The following PDS5B variants were observed in gnomAD, a reference collection of about 807,000 sequenced individuals.
PDS5B encodes the protein PDS5 cohesin associated factor B.
PDS5B carries 51 observed loss-of-function variants against 184.1 expected under a neutral mutation model. The observed-to-expected ratio is 0.28, with a 90% CI of 0.22 to 0.35. The LOEUF (loss-of-function observed/expected upper bound fraction) is 0.35. Ranked by LOEUF, PDS5B falls within the 10% of genes least tolerant of loss-of-function variation. The pLI, the probability that PDS5B is intolerant of heterozygous loss-of-function variation, is 1.00. For synonymous variants in PDS5B, 566 were observed against 569.2 expected (o/e 0.99, Z 0.08); for missense variants, 1,180 against 1,723.3 (o/e 0.68, Z 5.58).
rs748914020 is a variant in PDS5B, at chr13:32,755,824, G to A, written c.2942-18G>A. On this transcript the variant is annotated intron_variant, in intron 25 of 34. Transcript: ENST00000315596. ...TTCTTTTGTTTTTTTTTGTTTGTTT[G>A]TTTGTTTTCTTTTTCAGAAAAATTA... is the stretch of plus-strand genomic sequence containing the variant. 1 of 1,047,184 alleles carries A rather than the reference G, an allele frequency of 9.5e-7. No homozygotes were observed. Among genetic ancestry groups the A allele is most frequent in the Admixed American group, 2.4e-5 (1 of 41,490 alleles). 64.9% of individuals were successfully genotyped at this position (1,047,184 alleles called of 1,614,324 possible). A position where few individuals can be genotyped will look rare whatever the true frequency, so the allele number is the denominator to read the frequency against.
At chr13:32,640,637 T>C (rs1593312737) in intron 1 of PDS5B, among the ~76,000 whole-genome samples, 1 of 152,284 alleles carries the variant, frequency 6.6e-6, no homozygotes, top group African/African-American at 2.4e-5. Flanking sequence ...TTGAACTGAA[T>C]TGTTTTCTGA....
intron 12 of PDS5B, among the ~76,000 whole-genome samples, chr13:32,688,075 C>G (rs1951446821): frequency 6.6e-6 from 1 of 151,876 alleles, no homozygotes; most frequent in African/African-American, 2.4e-5. Context: ...CATGATGATG[C>G]CTATGAAAAT....
chr13:32,644,491 A>C (rs1053256974), intron 1 of PDS5B, among the ~76,000 whole-genome samples: 1 of 152,168 alleles, frequency 6.6e-6, no homozygotes, highest in African/African-American at 2.4e-5. Flanking sequence ...ATCATCTGTG[A>C]ATAACGACTG....
At chr13:32,633,309 T>C (rs1385664564) in intron 1 of PDS5B, among the ~76,000 whole-genome samples, 2 of 152,274 alleles carry the variant, frequency 1.3e-5, no homozygotes, top group East Asian at 3.9e-4. Flanking sequence ...AGATTCTATG[T>C]TACATATATT....
At chr13:32,660,621 C>G (rs998196265) in intron 6 of PDS5B, among the ~76,000 whole-genome samples, 4 of 152,172 alleles carry the variant, frequency 2.6e-5, no homozygotes, top group African/African-American at 9.7e-5. Flanking sequence ...GCTTGGCTTT[C>G]TGCACTGAGC....
At chr13:32,766,976 C>CT (rs1281179603) in intron 31 of PDS5B, among the ~76,000 whole-genome samples, 1 of 151,430 alleles carries the variant, frequency 6.6e-6, no homozygotes, top group Non-Finnish European at 1.5e-5. Context: ...CTTTTACCTT[C>CT]TTATCTTTGA....
chr13:32,763,570 TTAGA>T (rs1221336335), intron 30 of PDS5B: 1 of 152,130 alleles, frequency 6.6e-6, no homozygotes, highest in African/African-American at 2.4e-5. Context: ...TATTTTGATG[TTAGA>T]TAGATCAGAT....
intron 24 of PDS5B, among the ~76,000 whole-genome samples, chr13:32,751,095 A>G (rs1388032336): frequency 1.3e-5 from 2 of 152,126 alleles, no homozygotes; most frequent in Non-Finnish European, 2.9e-5. Context: ...TGTGTACTCA[A>G]TGTTTAGCTC....
At chr13:32,588,175 T>G (rs2057721027) in intron 1 of PDS5B, among the ~76,000 whole-genome samples, 1 of 152,202 alleles carries the variant, frequency 6.6e-6, no homozygotes, top group African/African-American at 2.4e-5. Flanking sequence ...AAAATGAGTA[T>G]TCAATGGTGT....
Position 32,735,264 on chromosome 13 carries a change from A to G in PDS5B, c.2340A>G (p.Gln780=), listed in dbSNP as rs375081346. The G allele has an allele frequency of 2.5e-5, 41 of 1,612,358 alleles. No individual in the cohort carries two copies. The highest frequency in any genetic ancestry group is 5.0e-5 in the Admixed American group (3 of 59,928). ...IGHIALLAPD[Q]FAAPLKSLVA... ...ATATTGCTCTCCTTGCACCTGATCA[A>G]TTTGCTGCTCCTTTGAAATCTTTGG... Residue 780 remains glutamine (Q), a synonymous_variant, in exon 21 of 35, where the codon CAA becomes CAG. Transcript: ENST00000315596.
chr13:32,736,790 A>G (rs1378745637), intron 21 of PDS5B, among the ~76,000 whole-genome samples: 1 of 151,962 alleles, frequency 6.6e-6, no homozygotes, highest in Non-Finnish European at 1.5e-5. Context: ...GCTGTGTGAC[A>G]CACTTTTGTG....
intron 15 of PDS5B, among the ~76,000 whole-genome samples, chr13:32,698,272 G>T (rs781516836): frequency 9.3e-5 from 14 of 151,094 alleles, no homozygotes; most frequent in Non-Finnish European, 1.3e-4. Flanking sequence ...CCTTATTGTA[G>T]CCTTTATTAT....
intron 1 of PDS5B, among the ~76,000 whole-genome samples, chr13:32,648,228 C>T (rs1187370937): frequency 6.6e-6 from 1 of 152,106 alleles, no homozygotes; most frequent in Non-Finnish European, 1.5e-5. Context: ...GGGTGGTGGC[C>T]TACATTAATG....
At chr13:32,653,808 G>A (rs552498228) in intron 3 of PDS5B, among the ~76,000 whole-genome samples, 90 of 152,292 alleles carry the variant, frequency 5.9e-4, no homozygotes, top group Non-Finnish European at 1.0e-3. Flanking sequence ...GTTTGATAGT[G>A]GCTGTGGCTC....
intron 21 of PDS5B, 76 bp from the exon 22 acceptor site, chr13:32,741,004 C>G (rs1325638963): frequency 3.7e-6 from 3 of 814,058 alleles, no homozygotes; most frequent in Non-Finnish European, 2.0e-6. Context: ...CATTCATTTT[C>G]TAAGTGCTAA....
In PDS5B at chr13:32,663,835, A is replaced by G. The variant is rs144536113; in HGVS notation, c.625-3929A>G. On this transcript the variant is annotated intron_variant, in intron 6 of 34. Coordinates refer to ENST00000315596, the MANE Select transcript of PDS5B (RefSeq NM_015032.4). ...CTGTCACCTGAGAAGTGTACATTGT[A>G]CCCAATGTGTACACAATGTGTTTTT... 8.6e-3 allele frequency among the ~76,000 whole-genome samples: 1,315 copies of G among 152,236 alleles called. 58 individuals are homozygous for G. The highest frequency in any genetic ancestry group is 0.075 in the Admixed American group (1,152 of 15,276).
rs1357945797 is a variant in PDS5B at position 32,777,843 on chromosome 13, G to A, written c.*2791G>A. On this transcript the variant is annotated 3_prime_UTR_variant, in exon 35 of 35. Coordinates refer to ENST00000315596, the MANE Select transcript of PDS5B (RefSeq NM_015032.4). The stretch of plus-strand genomic sequence containing the variant: ...TATAACTTGTAAGTCTGATTTTTAA[G>A]ATTTCCTTTTGTCCACTTGTAAGAA... 1 of 152,280 alleles carries A rather than the reference G, an allele frequency of 6.6e-6. No individual in the cohort carries two copies. The highest frequency in any genetic ancestry group is 6.6e-5 in the Admixed American group (1 of 15,244). 9.4% of individuals were successfully genotyped at this position (152,280 alleles called of 1,614,324 possible).
intron 6 of PDS5B, 38 bp downstream of exon 6, chr13:32,659,318 G>A (rs371315639): frequency 1.9e-5 from 27 of 1,458,330 alleles, no homozygotes; most frequent in East Asian, 1.7e-4. Context: ...TCTAATGCCC[G>A]TTAATATTAA....
chr13:32,651,796 T>G lies in PDS5B; in HGVS notation c.109-8T>G. Reference sequence around the variant, plus strand: ...CATTTCATTATTTGATTTTTTATTTTTGTATAGATGGTTGTGAAAACTTTT... The same window carrying G: ...CATTTCATTATTTGATTTTTTATTTGTGTATAGATGGTTGTGAAAACTTTT... On this transcript the variant is annotated splice_region_variant and splice_polypyrimidine_tract_variant and intron_variant, in intron 2 of 34. Transcript: ENST00000315596. 6.4e-7 allele frequency: 1 copy of G among 1,551,240 alleles called. No homozygotes were observed. Among genetic ancestry groups the G allele is most frequent in the Non-Finnish European group, 8.9e-7 (1 of 1,128,704 alleles).
Sources: gnomAD v4.1 joint callset for allele counts (sites outside exome capture counted in the v4.1 genomes callset) on GRCh38, gnomAD v4.1.1 for gene constraint, MANE v1.5 for transcripts, NCBI Gene and HGNC (gene_info 2026-07-23, HGNC 2026-07-21) for gene names.